The following CDH26 variants were observed in gnomAD, a reference collection of about 807,000 sequenced individuals.
CDH26 encodes cadherin 26, also known as cadherin-like protein 26.
In CDH26, 83 loss-of-function variants were observed where a neutral mutation model predicts 90.3. The observed-to-expected ratio is 0.92, with a 90% CI of 0.77 to 1.10. CDH26 has a LOEUF of 1.10. Ranked by LOEUF, CDH26 falls within the 50% of genes least tolerant of loss-of-function variation. The pLI, the probability that CDH26 is intolerant of heterozygous loss-of-function variation, is 0.00. For missense variants in CDH26, 1,013 were observed against 1,037.6 expected (o/e 0.98, Z 0.33); for synonymous variants, 397 against 396.3 (o/e 1.00, Z -0.02).
At chr20:59,988,437 C>T (rs1169853117) in intron 8 of CDH26, among the ~76,000 whole-genome samples, 1 of 152,198 alleles carries the variant, frequency 6.6e-6, no homozygotes, top group Non-Finnish European at 1.5e-5. Context: ...GCGGACCGTG[C>T]TATGAATAGC....
chr20:59,980,469 AT>A (rs1002241887), intron 4 of CDH26, among the ~76,000 whole-genome samples: 12 of 151,132 alleles, frequency 7.9e-5, no homozygotes, highest in Admixed American at 7.9e-4. Flanking sequence ...TAATTTTTGT[AT>A]TTTTTTTAGT....
intron 4 of CDH26, 106 bp downstream of exon 4, chr20:59,972,229 T>C (rs1401129324): frequency 2.9e-6 from 3 of 1,046,836 alleles, no homozygotes; most frequent in Admixed American, 2.6e-5. Context: ...TTCCGGGAGA[T>C]TGAGAAATTA....
At chr20:59,973,305 C>A (rs2061287334) in intron 4 of CDH26, among the ~76,000 whole-genome samples, 1 of 152,192 alleles carries the variant, frequency 6.6e-6, no homozygotes, top group South Asian at 2.1e-4. Flanking sequence ...TGATCATGGT[C>A]TGTGCAAGGA....
chr20:59,969,500 C>G (rs746054865), intron 2 of CDH26, among the ~76,000 whole-genome samples: 1 of 152,168 alleles, frequency 6.6e-6, no homozygotes, highest in East Asian at 1.9e-4. Flanking sequence ...TAGAAACCAA[C>G]TTCACTTATA....
chr20:59,994,511 G>A (rs201651270), intron 11 of CDH26, 22 bp downstream of exon 11: 5 of 1,609,876 alleles, frequency 3.1e-6, no homozygotes, highest in Admixed American at 1.7e-5. Context: ...TATTGGTTAC[G>A]GGCAAAGAGT....
At chr20:60,009,377 G>C (rs548716055) in intron 17 of CDH26, among the ~76,000 whole-genome samples, 1 of 152,188 alleles carries the variant, frequency 6.6e-6, no homozygotes, top group Admixed American at 6.5e-5. Context: ...TACAGAAAAC[G>C]TAGCATGTGG....
chr20:59,972,204 T>C, intron 4 of CDH26, 81 bp downstream of exon 4: 5 of 1,339,948 alleles, frequency 3.7e-6, no homozygotes, highest in Non-Finnish European at 5.2e-6. Context: ...TTATTTAAGC[T>C]GACTATGTGC....
At chr20:59,969,971 A>C in intron 2 of CDH26, 111 bp from the exon 3 acceptor site, 1 of 1,445,330 alleles carries the variant, frequency 6.9e-7, no homozygotes, top group Non-Finnish European at 9.2e-7. Flanking sequence ...CGATGAGAGA[A>C]TGCAGGCCAG....
rs1417627855 is a variant in CDH26 at position 59,974,773 on chromosome 20, G to C, written c.393+2650G>C. The stretch of plus-strand genomic sequence containing the variant: ...GAAAGATACAGGGTGGGGATTCTGA[G>C]GCATGCCCCAACCTTGCCTGTCACT... On this transcript the variant is annotated intron_variant, in intron 4 of 17. Transcript: ENST00000348616. 2.0e-5 allele frequency among the ~76,000 whole-genome samples: 3 copies of C among 152,114 alleles called. No homozygotes were observed. In the East Asian group the frequency reaches 5.8e-4, roughly 29 times the overall value.
Position 59,987,492 on chromosome 20 carries a change from G to C in CDH26, c.877G>C (p.Val293Leu). 2 of 1,613,328 alleles carry C rather than the reference G, an allele frequency of 1.2e-6. No individual in the cohort carries two copies. Among genetic ancestry groups the C allele is most frequent in the South Asian group, 2.2e-5 (2 of 90,882 alleles). Residue 293 changes from valine to leucine, a missense_variant, in exon 8 of 18, where the codon GTG (valine) becomes CTG (leucine). Physicochemically the swap from Val to Leu is conservative, Grantham distance 32 (BLOSUM62 1). Transcript: ENST00000348616. The stretch of plus-strand genomic sequence containing the variant: ...TCCTGAAGGCCGAGCCAGCCAGGGC[G>C]TGTTGCGTCTCCTGGTTCAAGATCG... ...QIPEGRASQGVLRLLVQDRDS... is the reference protein window; with the variant it reads ...QIPEGRASQGLLRLLVQDRDS...
chr20:59,970,868 T>TA (rs1018298747), intron 3 of CDH26, among the ~76,000 whole-genome samples: 3 of 151,598 alleles, frequency 2.0e-5, no homozygotes, highest in African/African-American at 7.3e-5. Context: ...GAGATTGTCT[T>TA]AAAAATTTTG....
chr20:60,026,972 C>T (rs988458436), intron 7 of CDH26, among the ~76,000 whole-genome samples: 17 of 152,086 alleles, frequency 1.1e-4, no homozygotes, highest in Non-Finnish European at 1.3e-4. Context: ...AGTGATATGG[C>T]GACTATTGGT....
chr20:59,967,324 C>T (rs1169090419), intron 1 of CDH26, among the ~76,000 whole-genome samples: 1 of 152,124 alleles, frequency 6.6e-6, no homozygotes, highest in East Asian at 1.9e-4. Context: ...TTCTCTATTT[C>T]TTTCTGTATG....
chr20:59,975,761 G>A (rs1433829631), intron 4 of CDH26, among the ~76,000 whole-genome samples: 1 of 152,108 alleles, frequency 6.6e-6, no homozygotes, highest in Non-Finnish European at 1.5e-5. Flanking sequence ...AATCAAGTAA[G>A]CCTAATGTAG....
At chr20:59,959,694 C>T (rs1028222988) in intron 1 of CDH26, among the ~76,000 whole-genome samples, 1 of 152,166 alleles carries the variant, frequency 6.6e-6, no homozygotes, top group Non-Finnish European at 1.5e-5. Context: ...GACACTGCGC[C>T]CTGCCAAGTT....
intron 9 of CDH26, among the ~76,000 whole-genome samples, chr20:59,989,858 T>A (rs2061507011): frequency 6.6e-6 from 1 of 152,238 alleles, no homozygotes; most frequent in South Asian, 2.1e-4. Context: ...GTTTTTTTTG[T>A]AAATTGTGGT....
intron 16 of CDH26, among the ~76,000 whole-genome samples, chr20:60,004,765 CA>C (rs140015980): frequency 0.23 from 11,000 of 48,034 alleles, 1,125 homozygotes; most frequent in African/African-American, 0.49. Context: ...GACTCCATCT[CA>C]AAAAAAAAAA....
At chr20:59,989,359 T>C (rs1169803869) in intron 9 of CDH26, among the ~76,000 whole-genome samples, 196 bp downstream of exon 9, 2 of 150,202 alleles carry the variant, frequency 1.3e-5, no homozygotes, top group Non-Finnish European at 3.0e-5. Flanking sequence ...AAACCCCGTC[T>C]CTACTAAAAA....
chr20:59,972,199 T>A, intron 4 of CDH26, 76 bp downstream of exon 4: 2 of 1,388,038 alleles, frequency 1.4e-6, no homozygotes, highest in Non-Finnish European at 2.0e-6. Flanking sequence ...AAGCATTATT[T>A]AAGCTGACTA....
Sources: allele counts gnomAD v4.1 joint callset (sites outside exome capture counted in the v4.1 genomes callset), GRCh38; gene constraint gnomAD v4.1.1; transcripts MANE v1.5; gene names NCBI Gene and HGNC (gene_info 2026-07-23, HGNC 2026-07-21).